The following RANBP2 variants were observed in gnomAD, a reference collection of about 807,000 sequenced individuals.
RANBP2 encodes E3 SUMO-protein ligase RanBP2.
A neutral mutation model predicts 303.6 loss-of-function variants in RANBP2; 57 were observed. The observed-to-expected ratio is 0.19, with a 90% confidence interval of 0.15 to 0.23. The LOEUF (loss-of-function observed/expected upper bound fraction) is 0.23. RANBP2 is among the 10% of genes least tolerant of loss of function. The pLI, the probability that RANBP2 is intolerant of heterozygous loss-of-function variation, is 1.00. For synonymous variants in RANBP2, 1,167 were observed against 1,301.5 expected, an observed-to-expected ratio of 0.90 and a Z score of 2.23; for missense variants, 3,138 against 3,780.8, an observed-to-expected ratio of 0.83 and a Z score of 4.46.
At chr2:108,940,400 C>A in the RANBP2 span, 37 of 152,498 alleles carry the variant, frequency 2.4e-4, no homozygotes, top group African/African-American at 8.4e-4. Flanking sequence ...ATGGCCGAGC[C>A]GGCCCACGTG....
At chr2:109,484,419 ACT>A in the RANBP2 span, among the ~76,000 whole-genome samples, 1 of 151,054 alleles carries the variant, frequency 6.6e-6, no homozygotes, top group Non-Finnish European at 1.5e-5. Flanking sequence ...GCCCATCCAC[ACT>A]CTGGCCCGCA....
chr2:109,694,948 T>C, the RANBP2 span, among the ~76,000 whole-genome samples: 2 of 152,082 alleles, frequency 1.3e-5, no homozygotes, highest in African/African-American at 4.8e-5. Context: ...TCTTTTGTTA[T>C]TGTCATATGG....
At chr2:108,874,694 G>T in the RANBP2 span, among the ~76,000 whole-genome samples, 1 of 152,078 alleles carries the variant, frequency 6.6e-6, no homozygotes, top group Admixed American at 6.6e-5. Flanking sequence ...AACATGCCTA[G>T]TAGAGGATTG....
In RANBP2 at chr2:108,765,313, A is replaced by G. The variant is rs1229940278; in HGVS notation, c.4774A>G (p.Ser1592Gly). 2 of 1,613,972 alleles carry G rather than the reference A, an allele frequency of 1.2e-6. No homozygotes were observed. The highest frequency in any genetic ancestry group is 1.7e-6 in the Non-Finnish European group (2 of 1,179,950). ...TTTTAAGTTTGGTACTTCAGAGACA[A>G]GCAAGGCTCCAAAGAGCGGATTTGA... ...ASFKFGTSET[S>G]KAPKSGFEGM... is the part of the protein sequence containing the mutation. Residue 1592 changes from serine to glycine, a missense_variant, in exon 20 of 29, where the codon AGC (serine) becomes GGC (glycine). By Grantham distance (56) the Ser-to-Gly change is moderately conservative (BLOSUM62 0). This residue lies in a region of RANBP2 where 28 missense variants were observed against 43.2 expected (regional missense o/e 0.65). Transcript: ENST00000283195.
At chr2:108,996,742 G>A in the RANBP2 span, among the ~76,000 whole-genome samples, 1 of 152,072 alleles carries the variant, frequency 6.6e-6, no homozygotes, top group African/African-American at 2.4e-5. Flanking sequence ...CTGAAGTCTC[G>A]GTGGCATAAT....
chr2:109,500,388 G>T, the RANBP2 span, among the ~76,000 whole-genome samples: 8 of 152,114 alleles, frequency 5.3e-5, no homozygotes, highest in Admixed American at 6.5e-5. Context: ...CACCTGCCAC[G>T]CAGCACACCC....
At chr2:109,013,316 A>G in the RANBP2 span, among the ~76,000 whole-genome samples, 1 of 152,244 alleles carries the variant, frequency 6.6e-6, no homozygotes, top group Admixed American at 6.5e-5. Context: ...AGTGAGGTCA[A>G]GTTCACAGCA....
At chr2:108,921,099 A>ACCC in the RANBP2 span, among the ~76,000 whole-genome samples, 1 of 151,842 alleles carries the variant, frequency 6.6e-6, no homozygotes, top group Non-Finnish European at 1.5e-5. Context: ...CCTGCGAATC[A>ACCC]CCCCCCTGAA....
the RANBP2 span, among the ~76,000 whole-genome samples, chr2:108,949,499 G>A: frequency 6.6e-6 from 1 of 152,106 alleles, no homozygotes; most frequent in East Asian, 1.9e-4. Context: ...ACAACTCTAT[G>A]GGGACATCCA....
chr2:109,724,958 G>T, the RANBP2 span, among the ~76,000 whole-genome samples: 2 of 152,156 alleles, frequency 1.3e-5, no homozygotes, highest in African/African-American at 4.8e-5. Flanking sequence ...CCCCTTGGGG[G>T]AGGTGAGGCA....
chr2:109,187,480 T>G, the RANBP2 span, among the ~76,000 whole-genome samples: 1 of 152,190 alleles, frequency 6.6e-6, no homozygotes, highest in Non-Finnish European at 1.5e-5. Context: ...GCATATACTG[T>G]GTGATAAGAT....
the RANBP2 span, among the ~76,000 whole-genome samples, chr2:108,905,133 G>A: frequency 6.6e-6 from 1 of 152,150 alleles, no homozygotes; most frequent in East Asian, 1.9e-4. Flanking sequence ...AGATTGGGTG[G>A]GCTGGATGGG....
At chr2:109,085,842 C>T in the RANBP2 span, among the ~76,000 whole-genome samples, 52 of 150,004 alleles carry the variant, frequency 3.5e-4, no homozygotes, top group Non-Finnish European at 6.7e-4. Context: ...TGGCCTCAGG[C>T]GATCCACCCA....
chr2:108,908,558 C>T, the RANBP2 span, among the ~76,000 whole-genome samples: 7 of 152,058 alleles, frequency 4.6e-5, no homozygotes, highest in African/African-American at 1.7e-4. Flanking sequence ...GTGTGCATTG[C>T]AGGGGGTGGC....
chr2:109,554,286 T>C, the RANBP2 span, among the ~76,000 whole-genome samples: 1 of 152,106 alleles, frequency 6.6e-6, no homozygotes, highest in African/African-American at 2.4e-5. Context: ...CAATAACAAA[T>C]ATGGCAGGGT....
At chr2:108,988,090 C>T in the RANBP2 span, among the ~76,000 whole-genome samples, 5 of 152,214 alleles carry the variant, frequency 3.3e-5, no homozygotes, top group Non-Finnish European at 7.3e-5. Context: ...CCGTACGTCT[C>T]CTCACATGCG....
chr2:109,205,601 G>A, the RANBP2 span, among the ~76,000 whole-genome samples: 2 of 152,160 alleles, frequency 1.3e-5, no homozygotes, highest in African/African-American at 4.8e-5. Flanking sequence ...GGGGTGCAGA[G>A]GGTATATTCA....
intron 25 of RANBP2, 104 bp from the exon 26 acceptor site, chr2:108,781,165 T>G: frequency 8.8e-7 from 1 of 1,137,042 alleles, no homozygotes; most frequent in Non-Finnish European, 1.3e-6. Context: ...AAAATTGATG[T>G]ACATATTACA....
At chr2:109,119,155 G>A in the RANBP2 span, among the ~76,000 whole-genome samples, 1 of 152,320 alleles carries the variant, frequency 6.6e-6, no homozygotes, top group East Asian at 1.9e-4. Flanking sequence ...GTCAGGCATG[G>A]AGTTCCTGGA....
Sources: allele counts gnomAD v4.1 joint callset (sites outside exome capture counted in the v4.1 genomes callset), GRCh38; gene constraint gnomAD v4.1.1; regional missense constraint gnomAD v4.1.1; transcripts MANE v1.5; gene names NCBI Gene and HGNC (gene_info 2026-07-23, HGNC 2026-07-21).